Variants in SH3GL2 observed in about 807,000 individuals in gnomAD.
SH3GL2 encodes SH3 domain containing GRB2 like 2, endophilin A1.
SH3GL2 carries 24 observed loss-of-function variants against 46.0 expected under a neutral mutation model. The ratio of observed to expected loss-of-function variants is 0.52; its 90% CI spans 0.38 to 0.73. The LOEUF (loss-of-function observed/expected upper bound fraction) is 0.73, where lower values mean the gene tolerates loss of function less well. Ranked by LOEUF, SH3GL2 falls within the 30% of genes least tolerant of loss-of-function variation. The pLI is 0.00. For missense variants in SH3GL2, 413 were observed against 424.2 expected, an observed-to-expected ratio of 0.97 and a Z score of 0.23; for synonymous variants, 196 against 147.1, an observed-to-expected ratio of 1.33 and a Z score of -2.40.
At chr9:17,668,108 G>A (rs1277021720) in intron 1 of SH3GL2, among the ~76,000 whole-genome samples, 1 of 152,108 alleles carries the variant, frequency 6.6e-6, no homozygotes, top group Non-Finnish European at 1.5e-5. Context: ...TCTTGATGAT[G>A]TTCTTTGAAA....
In SH3GL2 at chr9:17,579,174, G is replaced by A; in HGVS notation, c.-69G>A. Reference sequence around the variant, plus strand: ...GGCGGCCAGGGGAGCGCGCCGCCCCGCTCGGCCCTCCAGTCCCCCTCCGCC... The same window carrying A: ...GGCGGCCAGGGGAGCGCGCCGCCCCACTCGGCCCTCCAGTCCCCCTCCGCC... On this transcript the variant is annotated 5_prime_UTR_variant, in exon 1 of 9. Transcript: ENST00000380607. 7.5e-6 allele frequency: 9 copies of A among 1,205,644 alleles called. No homozygotes were observed. The highest frequency in any genetic ancestry group is 1.4e-5 in the South Asian group (1 of 69,788). 74.7% of individuals were successfully genotyped at this position (1,205,644 alleles called of 1,614,324 possible). A position where few individuals can be genotyped will look rare whatever the true frequency, so the allele number is the denominator to read the frequency against.
chr9:17,676,641 T>C (rs775808179), intron 1 of SH3GL2, among the ~76,000 whole-genome samples: 11 of 152,108 alleles, frequency 7.2e-5, no homozygotes, highest in South Asian at 2.1e-4. Context: ...ATCACAAATA[T>C]TGTTACATAT....
At chr9:17,701,974 G>A (rs1821352056) in intron 1 of SH3GL2, among the ~76,000 whole-genome samples, 1 of 151,882 alleles carries the variant, frequency 6.6e-6, no homozygotes, top group African/African-American at 2.4e-5. Context: ...AAATAGTAAA[G>A]TATAGCCCAG....
At chr9:17,665,552 A>G (rs189148941) in intron 1 of SH3GL2, among the ~76,000 whole-genome samples, 3 of 152,192 alleles carry the variant, frequency 2.0e-5, no homozygotes, top group East Asian at 1.9e-4. Context: ...TTGGATTCTC[A>G]TACAGTGTTA....
chr9:17,608,727 A>G (rs113498342), intron 1 of SH3GL2, among the ~76,000 whole-genome samples: 2,950 of 152,278 alleles, frequency 0.019, 33 homozygotes, highest in African/African-American at 0.041. Context: ...AGCTAATAAA[A>G]TTATTCCTGA....
At chr9:17,753,648 T>A (rs911247406) in intron 2 of SH3GL2, among the ~76,000 whole-genome samples, 6 of 152,224 alleles carry the variant, frequency 3.9e-5, no homozygotes, top group African/African-American at 1.2e-4. Flanking sequence ...GTTGGTAGTT[T>A]CTTTTGCTGT....
chr9:17,645,962 T>C (rs1325485946), intron 1 of SH3GL2, among the ~76,000 whole-genome samples: 1 of 152,022 alleles, frequency 6.6e-6, no homozygotes, highest in Admixed American at 6.6e-5. Flanking sequence ...TATCCTGAAA[T>C]ATGTCTTCCA....
intron 1 of SH3GL2, among the ~76,000 whole-genome samples, chr9:17,707,449 A>G (rs904329543): frequency 1.3e-5 from 2 of 152,030 alleles, no homozygotes; most frequent in African/African-American, 4.8e-5. Context: ...TCAAAGGACA[A>G]TGGAGACAGA....
chr9:17,677,155 T>C (rs533541848), intron 1 of SH3GL2, among the ~76,000 whole-genome samples: 4 of 147,812 alleles, frequency 2.7e-5, no homozygotes, highest in Non-Finnish European at 5.9e-5. Flanking sequence ...ACTTGGTCTC[T>C]GTGAAGATTT....
rs1007993845 is a variant in SH3GL2 at position 17,796,327 on chromosome 9, T to C, written c.*584T>C. 3 of 152,704 alleles carry C rather than the reference T, an allele frequency of 2.0e-5. No individual in the cohort carries two copies. Among genetic ancestry groups the C allele is most frequent in the African/African-American group, 7.2e-5 (3 of 41,472 alleles). 9.5% of individuals were successfully genotyped at this position (152,704 alleles called of 1,614,324 possible). On this transcript the variant is annotated 3_prime_UTR_variant, in exon 9 of 9. Coordinates refer to ENST00000380607, the MANE Select transcript of SH3GL2 (RefSeq NM_003026.5). Reference sequence around the variant, plus strand: ...TAGGCATCTCAGCTCCTCACACTTATGGCTATTTCTGACGTATAGCCAGTT... The same window carrying C: ...TAGGCATCTCAGCTCCTCACACTTACGGCTATTTCTGACGTATAGCCAGTT...
At position 17,709,913 on chromosome 9, in the gene SH3GL2, G is replaced by A. The variant is rs192362369; in HGVS notation, c.46-37153G>A. The stretch of plus-strand genomic sequence containing the variant: ...TCTTAAATAGTTGGAAGCCTAGTGA[G>A]GGAGATAGAAATATATACCATTAAC... On this transcript the variant is annotated intron_variant, in intron 1 of 8. Coordinates refer to ENST00000380607, the MANE Select transcript of SH3GL2 (RefSeq NM_003026.5). Among the ~76,000 whole-genome samples the A allele has an allele frequency of 5.8e-4, 88 of 151,988 alleles. 1 individual carries two copies. In the East Asian group the frequency reaches 0.011, roughly 19 times the overall value.
At chr9:17,720,972 G>C (rs960531937) in intron 1 of SH3GL2, among the ~76,000 whole-genome samples, 2 of 152,062 alleles carry the variant, frequency 1.3e-5, no homozygotes, top group Admixed American at 1.3e-4. Context: ...AGCAGGGTAC[G>C]ACTTGTGGCA....
intron 5 of SH3GL2, among the ~76,000 whole-genome samples, chr9:17,788,030 C>T (rs9407874): frequency 0.54 from 81,647 of 151,972 alleles, 22,994 homozygotes; most frequent in East Asian, 0.87. Flanking sequence ...TAGCCACTTT[C>T]TAAAACATGT....
chr9:17,751,676 C>A lies in SH3GL2; in HGVS notation c.114+4542C>A, dbSNP rs78147495. Among the ~76,000 whole-genome samples, 4 of 152,252 alleles carry A rather than the reference C, an allele frequency of 2.6e-5. No individual in the cohort carries two copies. In the East Asian group the frequency reaches 5.8e-4, roughly 22 times the overall value. ...GTTAGTAATTTGTTACTAATAATGT[C>A]ACTTTTTAATGATGTCACTCTTACT... On this transcript the variant is annotated intron_variant, in intron 2 of 8. Transcript: ENST00000380607.
At chr9:17,776,277 CT>C (rs1823639273) in intron 3 of SH3GL2, among the ~76,000 whole-genome samples, 1 of 152,074 alleles carries the variant, frequency 6.6e-6, no homozygotes, top group Admixed American at 6.6e-5. Flanking sequence ...GTAAATGAAA[CT>C]TTAAAAAAAG....
intron 1 of SH3GL2, among the ~76,000 whole-genome samples, chr9:17,638,500 G>A (rs1175047247): frequency 6.6e-6 from 1 of 152,236 alleles, no homozygotes; most frequent in East Asian, 1.9e-4. Context: ...ACCAAATGAT[G>A]AGGTGAAGAC....
At chr9:17,612,597 A>G (rs1818893876) in intron 1 of SH3GL2, among the ~76,000 whole-genome samples, 1 of 152,134 alleles carries the variant, frequency 6.6e-6, no homozygotes, top group Non-Finnish European at 1.5e-5. Flanking sequence ...GACTGGGAGG[A>G]TGCATTTCAC....
chr9:17,657,767 T>TTG (rs975461459), intron 1 of SH3GL2, among the ~76,000 whole-genome samples: 3 of 152,170 alleles, frequency 2.0e-5, no homozygotes, highest in Non-Finnish European at 4.4e-5. Flanking sequence ...CAAATGGTAG[T>TTG]TGTGAGGATT....
intron 1 of SH3GL2, among the ~76,000 whole-genome samples, chr9:17,635,094 C>T (rs568822854): frequency 1.8e-4 from 27 of 152,220 alleles, no homozygotes; most frequent in African/African-American, 6.3e-4. Context: ...AGGTATTAAG[C>T]CTAGTACCCA....
Sources: allele counts gnomAD v4.1 joint callset (sites outside exome capture counted in the v4.1 genomes callset), GRCh38; gene constraint gnomAD v4.1.1; transcripts MANE v1.5; gene names NCBI Gene and HGNC (gene_info 2026-07-23, HGNC 2026-07-21).